Variants in PTK2 observed in about 807,000 individuals in gnomAD.
PTK2 encodes the protein focal adhesion kinase 1.
PTK2 carries 45 observed loss-of-function variants against 150.1 expected under a neutral mutation model. The ratio of observed to expected loss-of-function variants is 0.30; its 90% CI spans 0.24 to 0.38. The LOEUF is 0.38. Among genes scored for constraint, PTK2 ranks in the 10% least tolerant of loss-of-function variants. The probability of loss-of-function intolerance (pLI) is 1.00; values close to 1 mark genes in which losing one functional copy is unlikely to be tolerated. For synonymous variants in PTK2, 432 were observed against 449.2 expected, an observed-to-expected ratio of 0.96 and a Z score of 0.48; for missense variants, 919 against 1,307.3, an observed-to-expected ratio of 0.70 and a Z score of 4.58.
intron 2 of PTK2, among the ~76,000 whole-genome samples, chr8:140,924,023 T>C (rs936515494): frequency 6.6e-6 from 1 of 152,154 alleles, no homozygotes. Flanking sequence ...TTCTCCAACT[T>C]TCCCAGATTC....
intron 1 of PTK2, among the ~76,000 whole-genome samples, chr8:140,977,589 T>A (rs1212753943): frequency 6.8e-6 from 1 of 147,124 alleles, no homozygotes; most frequent in Non-Finnish European, 1.5e-5. Flanking sequence ...ACCACTCCCC[T>A]CCAGCCTGGG....
intron 16 of PTK2, among the ~76,000 whole-genome samples, chr8:140,754,247 ACACAGAATGTGAACAAGAG>A (rs1296959449): frequency 6.6e-6 from 1 of 152,252 alleles, no homozygotes. Flanking sequence ...TAGTTGGCTC[ACACAGAATGTGAACAAGAG>A]CACAGAATAC....
chr8:140,669,249 T>G (rs1371502310), intron 29 of PTK2: 1 of 148,226 alleles, frequency 6.7e-6, no homozygotes, highest in African/African-American at 2.5e-5. Context: ...TTGGGAAATC[T>G]TCAGCAGTAT....
intron 22 of PTK2, among the ~76,000 whole-genome samples, chr8:140,730,834 T>C (rs982317583): frequency 6.6e-6 from 1 of 152,188 alleles, no homozygotes; most frequent in Non-Finnish European, 1.5e-5. Flanking sequence ...AAGAGTACTG[T>C]TGGGACATAT....
chr8:140,875,957 C>A (rs372778247), intron 4 of PTK2, among the ~76,000 whole-genome samples: 4 of 152,182 alleles, frequency 2.6e-5, no homozygotes, highest in East Asian at 1.9e-4. Context: ...TTATTAAATT[C>A]TTGGTGATAA....
chr8:140,942,318 G>A (rs186833978), intron 1 of PTK2, among the ~76,000 whole-genome samples: 4 of 152,218 alleles, frequency 2.6e-5, no homozygotes, highest in Admixed American at 2.0e-4. Flanking sequence ...TATTTATAAC[G>A]CTGATAAAAC....
At chr8:140,952,975 G>A (rs566318536) in intron 1 of PTK2, among the ~76,000 whole-genome samples, 2 of 152,164 alleles carry the variant, frequency 1.3e-5, no homozygotes, top group South Asian at 2.1e-4. Context: ...AACACCTTAC[G>A]CATATCTCAC....
At chr8:140,899,225 G>A (rs1030396013) in intron 2 of PTK2, among the ~76,000 whole-genome samples, 1 of 152,104 alleles carries the variant, frequency 6.6e-6, no homozygotes, top group Non-Finnish European at 1.5e-5. Context: ...GTGGGCTTCT[G>A]ACTCTGGCTA....
chr8:140,735,931 G>T (rs2100052352), intron 21 of PTK2, among the ~76,000 whole-genome samples: 1 of 152,188 alleles, frequency 6.6e-6, no homozygotes, highest in African/African-American at 2.4e-5. Context: ...GCCTCTTCTT[G>T]TCTAGAGTGC....
At chr8:140,945,953 T>C (rs2100177555) in intron 1 of PTK2, among the ~76,000 whole-genome samples, 1 of 152,164 alleles carries the variant, frequency 6.6e-6, no homozygotes, top group African/African-American at 2.4e-5. Context: ...CAATCAGTAT[T>C]TTCTACTCAC....
At chr8:140,752,596 T>G (rs766429473) in intron 16 of PTK2, among the ~76,000 whole-genome samples, 16 of 152,242 alleles carry the variant, frequency 1.1e-4, no homozygotes, top group Non-Finnish European at 2.1e-4. Context: ...TCTAAGTGCT[T>G]GGGATACACT....
At position 140,828,172 on chromosome 8, in the gene PTK2, A is replaced by G. The variant is rs144617872; in HGVS notation, c.648+2300T>C. On this transcript the variant is annotated intron_variant, in intron 8 of 31. Coordinates refer to ENST00000522684, the Ensembl canonical transcript of PTK2. ...TGGAGCAAGACTCTGTCTCAACAAA[A>G]AAAAAAAAAAAGAGAAAGTAGAATT... Among the ~76,000 whole-genome samples, 919 of 151,964 alleles carry G rather than the reference A, an allele frequency of 6.0e-3. 12 individuals carry two copies. The highest frequency in any genetic ancestry group is 0.021 in the African/African-American group (876 of 41,472).
intron 14 of PTK2, among the ~76,000 whole-genome samples, chr8:140,788,110 T>G (rs2100086065): frequency 6.6e-6 from 1 of 152,168 alleles, no homozygotes; most frequent in South Asian, 2.1e-4. Flanking sequence ...TACTGGAAAC[T>G]AGGGCTACTC....
At chr8:140,663,462 G>A (rs1297987814) in intron 31 of PTK2, among the ~76,000 whole-genome samples, 1 of 152,242 alleles carries the variant, frequency 6.6e-6, no homozygotes, top group African/African-American at 2.4e-5. Flanking sequence ...GAGCAAGGCT[G>A]AAGCCTGCAG....
At chr8:140,752,027 C>T (rs1384638824) in intron 17 of PTK2, 2 of 701,096 alleles carry the variant, frequency 2.9e-6, no homozygotes, top group Admixed American at 3.8e-5. Flanking sequence ...ATCAATCTAC[C>T]TTTACACATA....
intron 22 of PTK2, among the ~76,000 whole-genome samples, chr8:140,723,370 C>T (rs541821639): frequency 3.0e-4 from 45 of 152,258 alleles, no homozygotes; most frequent in Non-Finnish European, 3.7e-4. Context: ...CCCAAAATAG[C>T]CTGTCAAAAC....
chr8:140,805,598 C>A (rs1287493509), intron 10 of PTK2, among the ~76,000 whole-genome samples: 1 of 151,214 alleles, frequency 6.6e-6, no homozygotes, highest in Admixed American at 6.6e-5. Flanking sequence ...CAACAAGATT[C>A]CTGAGCCAAA....
chr8:140,787,240 C>T (rs1334972775), intron 14 of PTK2, among the ~76,000 whole-genome samples: 1 of 152,138 alleles, frequency 6.6e-6, no homozygotes, highest in Non-Finnish European at 1.5e-5. Flanking sequence ...TAAAGCCAGA[C>T]ATTAGAGTTT....
intron 1 of PTK2, among the ~76,000 whole-genome samples, chr8:140,929,052 G>A (rs902402652): frequency 1.6e-5 from 2 of 122,910 alleles, no homozygotes; most frequent in East Asian, 2.8e-4. Flanking sequence ...TGCAAGCTCC[G>A]CCTCCCGGGT....
Sources: gnomAD v4.1 joint callset for allele counts (sites outside exome capture counted in the v4.1 genomes callset) on GRCh38, gnomAD v4.1.1 for gene constraint, MANE v1.5 for transcripts, NCBI Gene and HGNC (gene_info 2026-07-23, HGNC 2026-07-21) for gene names.